Variants in LHPP observed in about 807,000 individuals in gnomAD.
LHPP encodes the protein phospholysine phosphohistidine inorganic pyrophosphate phosphatase.
LHPP carries 24 observed loss-of-function variants against 30.3 expected under a neutral mutation model. The ratio of observed to expected loss-of-function variants is 0.79; its 90% CI spans 0.57 to 1.11. LHPP has a LOEUF of 1.11. LHPP is among the 50% of genes most tolerant of loss of function. The pLI is 0.00. For missense variants in LHPP, 356 were observed against 367.2 expected (o/e 0.97, Z 0.25); for synonymous variants, 150 against 157.1 (o/e 0.95, Z 0.34).
At chr10:124,469,873 C>T (rs570038986) in intron 1 of LHPP, among the ~76,000 whole-genome samples, 2 of 152,160 alleles carry the variant, frequency 1.3e-5, no homozygotes, top group African/African-American at 2.4e-5. Flanking sequence ...TACCTGGCCT[C>T]GCAGATCCCA....
intron 1 of LHPP, among the ~76,000 whole-genome samples, chr10:124,472,718 T>C (rs1342044878): frequency 6.6e-6 from 1 of 152,058 alleles, no homozygotes; most frequent in Non-Finnish European, 1.5e-5. Context: ...CCACCACGTC[T>C]GGCTAACTTT....
At position 124,510,335 on chromosome 10, in the gene LHPP, A is replaced by G. The variant is rs977154002; in HGVS notation, c.625-6845A>G. Among the ~76,000 whole-genome samples, 4 of 152,204 alleles carry G rather than the reference A, an allele frequency of 2.6e-5. No individual in the cohort carries two copies. Among genetic ancestry groups the G allele is most frequent in the African/African-American group, 9.7e-5 (4 of 41,442 alleles). On this transcript the variant is annotated intron_variant, in intron 5 of 6. Transcript: ENST00000368842. This position sits in a 1 kb window ranked among gnomAD's most constrained non-coding sequence, Gnocchi z 4.0. ...CCTGGGGTCCTGAGCGCACTTTGGT[A>G]TGCGGAGCCCACAAGCTGGCCTGGA...
chr10:124,610,133 C>T (rs925593233), intron 6 of LHPP, among the ~76,000 whole-genome samples: 94 of 152,206 alleles, frequency 6.2e-4, no homozygotes, highest in African/African-American at 2.2e-3. Context: ...CGCAGGATTG[C>T]GTGGTGCCAA....
intron 5 of LHPP, among the ~76,000 whole-genome samples, chr10:124,515,932 C>T (rs527747534): frequency 2.0e-5 from 3 of 152,230 alleles, no homozygotes; most frequent in Non-Finnish European, 2.9e-5. Context: ...AGGGGACCCT[C>T]CACGATCTCC....
intron 4 of LHPP, 64 bp from the exon 5 acceptor site, chr10:124,497,972 G>T (rs148048686): frequency 1.4e-5 from 18 of 1,306,572 alleles, no homozygotes; most frequent in Admixed American, 1.2e-4. Context: ...CAGTGTTTCC[G>T]TGGCTGGGCA....
intron 6 of LHPP, among the ~76,000 whole-genome samples, chr10:124,568,966 G>T (rs1948541026): frequency 6.6e-6 from 1 of 152,072 alleles, no homozygotes; most frequent in South Asian, 2.1e-4. Flanking sequence ...GGCTCCCAGC[G>T]TGCTCCCAGC....
At chr10:124,602,844 G>A (rs1180330589) in intron 6 of LHPP, among the ~76,000 whole-genome samples, 1 of 152,256 alleles carries the variant, frequency 6.6e-6, no homozygotes, top group Non-Finnish European at 1.5e-5. Flanking sequence ...CCAAGGCCGA[G>A]GGGCAGGAGA....
chr10:124,555,268 C>A (rs1254565658), intron 6 of LHPP, among the ~76,000 whole-genome samples: 1 of 152,184 alleles, frequency 6.6e-6, no homozygotes, highest in Non-Finnish European at 1.5e-5. Flanking sequence ...CCTGGCTGGA[C>A]CACAGCCACA....
intron 1 of LHPP, among the ~76,000 whole-genome samples, chr10:124,470,139 G>A (rs1280878073): frequency 6.6e-6 from 1 of 152,184 alleles, no homozygotes; most frequent in Non-Finnish European, 1.5e-5. Context: ...GGTTCCCCGA[G>A]GGGAGCCATT....
At chr10:124,551,154 G>A (rs1238039645) in intron 6 of LHPP, among the ~76,000 whole-genome samples, 2 of 152,120 alleles carry the variant, frequency 1.3e-5, no homozygotes, top group African/African-American at 4.8e-5. Context: ...GGGGTTCCTG[G>A]GGAGATGGCT....
At chr10:124,575,009 TCC>T (rs1447061670) in intron 6 of LHPP, among the ~76,000 whole-genome samples, 2 of 151,886 alleles carry the variant, frequency 1.3e-5, no homozygotes, top group African/African-American at 4.8e-5. Flanking sequence ...CCATGCAACC[TCC>T]CCCTTGCCAT....
At chr10:124,542,354 T>C (rs1157955365) in intron 6 of LHPP, among the ~76,000 whole-genome samples, 1 of 152,066 alleles carries the variant, frequency 6.6e-6, no homozygotes, top group Non-Finnish European at 1.5e-5. Flanking sequence ...GCCAGAGAGG[T>C]ACGAATACAT....
At chr10:124,469,170 C>T (rs1055901536) in intron 1 of LHPP, among the ~76,000 whole-genome samples, 3 of 151,930 alleles carry the variant, frequency 2.0e-5, no homozygotes, top group African/African-American at 4.8e-5. Flanking sequence ...GACCAGCCGC[C>T]GCAGAGGGAA....
At chr10:124,508,352 AG>A (rs1954214554) in intron 5 of LHPP, among the ~76,000 whole-genome samples, 1 of 152,206 alleles carries the variant, frequency 6.6e-6, no homozygotes, top group African/African-American at 2.4e-5. Context: ...GCCCACTTCC[AG>A]CACTGAAAGA....
At chr10:124,556,661 C>T (rs1948304994) in intron 6 of LHPP, among the ~76,000 whole-genome samples, 1 of 152,200 alleles carries the variant, frequency 6.6e-6, no homozygotes, top group South Asian at 2.1e-4. Flanking sequence ...TTCTGCAACT[C>T]TCGACACCCT....
intron 1 of LHPP, among the ~76,000 whole-genome samples, chr10:124,477,830 G>T (rs1361159668): frequency 1.3e-5 from 2 of 152,190 alleles, no homozygotes; most frequent in Admixed American, 6.5e-5. Flanking sequence ...GCCAAACTGA[G>T]CCTTTTGATG....
At chr10:124,582,643 C>T (rs908500823) in intron 6 of LHPP, among the ~76,000 whole-genome samples, 13 of 152,196 alleles carry the variant, frequency 8.5e-5, no homozygotes, top group Admixed American at 2.6e-4. Flanking sequence ...TTGGTTAACA[C>T]ATATTTTGTG....
chr10:124,613,445 G>GC lies in LHPP; in HGVS notation c.*88dup. On this transcript the variant is annotated 3_prime_UTR_variant, in exon 7 of 7. Coordinates refer to ENST00000368842, the MANE Select transcript of LHPP (RefSeq NM_022126.4). Reference sequence around the variant, plus strand: ...CTCCACCCCTGCCTCTCCTCCACCCGCCCAGGAGAGCCCCACCTCCTCCAC... The same window carrying GC: ...CTCCACCCCTGCCTCTCCTCCACCCGCCCCAGGAGAGCCCCACCTCCTCCAC... 3 of 543,464 alleles carry GC rather than the reference G, an allele frequency of 5.5e-6. No homozygotes were observed. Among genetic ancestry groups the GC allele is most frequent in the Non-Finnish European group, 8.2e-6 (3 of 367,724 alleles). 33.7% of individuals were successfully genotyped at this position (543,464 alleles called of 1,614,324 possible).
intron 6 of LHPP, among the ~76,000 whole-genome samples, chr10:124,520,300 C>A (rs1278155947): frequency 3.3e-5 from 5 of 152,244 alleles, no homozygotes; most frequent in Admixed American, 1.3e-4. Flanking sequence ...CCCTCTTCAC[C>A]CTCCAACAGG....
Sources: allele counts gnomAD v4.1 joint callset (sites outside exome capture counted in the v4.1 genomes callset), GRCh38; gene constraint gnomAD v4.1.1; non-coding constraint Gnocchi (gnomAD v3.1); transcripts MANE v1.5; gene names NCBI Gene and HGNC (gene_info 2026-07-23, HGNC 2026-07-21).